Variants in ADGRF1 observed in about 807,000 individuals in gnomAD.
The protein encoded by ADGRF1 is adhesion G protein-coupled receptor F1.
ADGRF1 carries 85 observed loss-of-function variants against 87.2 expected under a neutral mutation model. The observed-to-expected ratio is 0.97, with a 90% CI of 0.82 to 1.17. The LOEUF is 1.17. Among genes scored for constraint, ADGRF1 ranks in the 50% most tolerant of loss-of-function variants. The pLI is 0.00. For synonymous variants in ADGRF1, 430 were observed against 408.8 expected (o/e 1.05, Z -0.63); for missense variants, 1,169 against 1,077.2 (o/e 1.09, Z -1.19).
intron 9 of ADGRF1, chr6:47,012,519 C>G: frequency 1.3e-5 from 8 of 606,638 alleles, no homozygotes; most frequent in Non-Finnish European, 1.7e-5. Context: ...GAAACTGAAA[C>G]TTGCAAAGAT....
chr6:47,035,278 C>T (rs1248496444), intron 1 of ADGRF1, among the ~76,000 whole-genome samples: 1 of 152,220 alleles, frequency 6.6e-6, no homozygotes, highest in Non-Finnish European at 1.5e-5. Flanking sequence ...AAGATTTCAG[C>T]TTAGTAACAG....
At chr6:47,033,681 A>G (rs1780502071) in intron 1 of ADGRF1, among the ~76,000 whole-genome samples, 1 of 152,274 alleles carries the variant, frequency 6.6e-6, no homozygotes, top group African/African-American at 2.4e-5. Flanking sequence ...AAAAAGAATT[A>G]GGCAGGTGAC....
intron 1 of ADGRF1, among the ~76,000 whole-genome samples, chr6:47,033,610 GCA>G (rs1780500708): frequency 6.6e-6 from 1 of 152,242 alleles, no homozygotes; most frequent in South Asian, 2.1e-4. Context: ...GCGCCCATGC[GCA>G]CACACACATT....
intron 1 of ADGRF1, among the ~76,000 whole-genome samples, chr6:47,041,585 G>A (rs1222911946): frequency 6.6e-6 from 1 of 152,110 alleles, no homozygotes; most frequent in African/African-American, 2.4e-5. Flanking sequence ...CCTCTACTAA[G>A]AAAATACAGT....
intron 13 of ADGRF1, among the ~76,000 whole-genome samples, chr6:47,004,222 C>A (rs1468032400): frequency 1.3e-5 from 2 of 152,216 alleles, no homozygotes; most frequent in Non-Finnish European, 2.9e-5. Flanking sequence ...CAAGTGTGAT[C>A]TCTTTCTCAC....
At chr6:47,010,741 G>A (rs1446091363) in intron 10 of ADGRF1, among the ~76,000 whole-genome samples, 2 of 152,146 alleles carry the variant, frequency 1.3e-5, no homozygotes, top group East Asian at 1.9e-4. Context: ...GCTAACACCA[G>A]AAGTTCAAAA....
At chr6:47,011,262 GAT>G in intron 10 of ADGRF1, among the ~76,000 whole-genome samples, 1 of 152,146 alleles carries the variant, frequency 6.6e-6, no homozygotes, top group South Asian at 2.1e-4. Flanking sequence ...TTAACTTACT[GAT>G]ATTTAGTGTC....
Position 47,010,285 on chromosome 6 carries a change from A to T in ADGRF1, c.1150T>A (p.Ser384Thr). 6.2e-7 allele frequency: 1 copy of T among 1,612,462 alleles called. No homozygotes were observed. Among genetic ancestry groups the T allele is most frequent in the East Asian group, 2.2e-5 (1 of 44,842 alleles). Residue 384 changes from serine (S) to threonine (T), a missense_variant, in exon 11 of 15, where the codon TCA (serine) becomes ACA (threonine). Ser to Thr is a moderately conservative substitution (Grantham distance 58). Transcript: ENST00000371253. Reference protein sequence around the residue: ...VISIADNILNSASVTNWTVLL... With the variant: ...VISIADNILNTASVTNWTVLL... ...ACTGTCCAGTTGGTTACTGAGGCTG[A>T]ATTAAGGATATTGTCAGCTATACTG... is the stretch of plus-strand genomic sequence containing the variant.
intron 8 of ADGRF1, 133 bp from the exon 9 acceptor site, chr6:47,014,977 G>T: frequency 1.6e-6 from 2 of 1,277,148 alleles, no homozygotes; most frequent in Non-Finnish European, 2.1e-6. Flanking sequence ...TCAGAAGTAA[G>T]AGAAGTTTGT....
At chr6:47,014,220 T>A in intron 9 of ADGRF1, 1 of 984,640 alleles carries the variant, frequency 1.0e-6, no homozygotes, top group Non-Finnish European at 1.2e-6. Context: ...TAAGGTCCAT[T>A]GCAGTTCAGT....
At chr6:47,033,585 G>A (rs1304708214) in intron 1 of ADGRF1, among the ~76,000 whole-genome samples, 4 of 152,220 alleles carry the variant, frequency 2.6e-5, no homozygotes, top group Non-Finnish European at 4.4e-5. Context: ...TTTCCTGTCC[G>A]TCTTGGCCTC....
intron 13 of ADGRF1, among the ~76,000 whole-genome samples, chr6:47,002,715 A>AG (rs1298999284): frequency 6.6e-6 from 1 of 152,054 alleles, no homozygotes; most frequent in Admixed American, 6.6e-5. Flanking sequence ...TTCTTTGTGG[A>AG]GGGGGGTCCA....
chr6:47,010,354 G>C, intron 10 of ADGRF1, 36 bp from the exon 11 acceptor site: 1 of 1,529,318 alleles, frequency 6.5e-7, no homozygotes, highest in Non-Finnish European at 8.8e-7. Flanking sequence ...TTGTGTTTTT[G>C]AGTAAACAGA....
At chr6:47,016,330 T>G (rs1236598006) in intron 8 of ADGRF1, among the ~76,000 whole-genome samples, 1 of 152,216 alleles carries the variant, frequency 6.6e-6, no homozygotes, top group Non-Finnish European at 1.5e-5. Flanking sequence ...TGTGTGCCAG[T>G]CAACTATTGC....
chr6:47,024,370 A>C, intron 4 of ADGRF1, 153 bp from the exon 5 acceptor site: 1 of 607,530 alleles, frequency 1.6e-6, no homozygotes. Context: ...GCTAGAATAC[A>C]GTGGCATGAT....
intron 9 of ADGRF1, chr6:47,013,599 T>G: frequency 2.0e-6 from 2 of 985,518 alleles, no homozygotes; most frequent in Non-Finnish European, 2.4e-6. Context: ...TTTCCTTCTT[T>G]CTGTCTTACT....
intron 9 of ADGRF1, chr6:47,014,192 G>A: frequency 1.1e-6 from 1 of 930,016 alleles, no homozygotes; most frequent in Non-Finnish European, 1.3e-6. Context: ...AAATGAGGTT[G>A]GTAAACCAGA....
intron 7 of ADGRF1, chr6:47,019,489 C>T: frequency 2.3e-6 from 1 of 444,402 alleles, no homozygotes. Context: ...CGAGACCATC[C>T]TGGCTAACAC....
At chr6:47,034,075 A>G (rs1780515059) in intron 1 of ADGRF1, among the ~76,000 whole-genome samples, 1 of 152,230 alleles carries the variant, frequency 6.6e-6, no homozygotes. Context: ...CACAGCAGGA[A>G]GAGGTCTGGA....
Sources: allele counts gnomAD v4.1 joint callset (sites outside exome capture counted in the v4.1 genomes callset), GRCh38; gene constraint gnomAD v4.1.1; transcripts MANE v1.5; gene names NCBI Gene and HGNC (gene_info 2026-07-23, HGNC 2026-07-21).